The following MOG variants were observed in gnomAD, a reference collection of about 807,000 sequenced individuals.
MOG encodes myelin-oligodendrocyte glycoprotein.
In MOG, 20 loss-of-function variants were observed where a neutral mutation model predicts 35.9. That is an observed-to-expected ratio of 0.56 (90% CI 0.39 to 0.81). The LOEUF (loss-of-function observed/expected upper bound fraction) is 0.81, where lower values mean the gene tolerates loss of function less well. MOG is among the 30% of genes least tolerant of loss of function. The pLI, the probability that MOG is intolerant of heterozygous loss-of-function variation, is 0.00. For synonymous variants in MOG, 92 were observed against 114.3 expected (o/e 0.80, Z 1.25); for missense variants, 251 against 301.0 (o/e 0.83, Z 1.23).
In MOG at chr6:29,659,583, G is replaced by T. The variant is rs769528805; in HGVS notation, c.353G>T (p.Arg118Met). 1.5e-5 allele frequency: 24 copies of T among 1,613,070 alleles called. No homozygotes were observed. Among genetic ancestry groups the T allele is most frequent in the Non-Finnish European group, 2.0e-5 (24 of 1,180,042 alleles). ...GKVTLRIRNV[R>M]FSDEGGFTCF... ...GTGACTCTCAGGATCCGGAATGTAA[G>T]GTTCTCAGATGAAGGAGGTTTCACC... The change falls in exon 2 of 8, where the codon AGG becomes ATG. Residue 118 changes from arginine (R) to methionine (M), a missense_variant. Arg to Met is a moderately conservative substitution (Grantham distance 91). Coordinates refer to ENST00000376917, the MANE Select transcript of MOG (RefSeq NM_206809.4).
chr6:29,659,195 A>C, intron 1 of MOG, 124 bp from the exon 2 acceptor site: 1 of 816,082 alleles, frequency 1.2e-6, no homozygotes, highest in South Asian at 1.4e-5. Flanking sequence ...CCCTGGCTCT[A>C]GAATGTCATT....
intron 2 of MOG, 176 bp downstream of exon 2, chr6:29,659,842 T>G: frequency 1.5e-6 from 1 of 651,250 alleles, no homozygotes; most frequent in Non-Finnish European, 2.7e-6. Context: ...GCATCATTAT[T>G]CAGAGTAGCA....
rs947189400 is a variant in MOG at position 29,661,391 on chromosome 6, T to C, written c.436+1725T>C. On this transcript the variant is annotated intron_variant, in intron 2 of 7. Transcript: ENST00000376917. ...AATGTTCTTCATACAGCTGTTTTTA[T>C]TGGGGAAATTCTACTTGCCGAAAAG... 39 of 985,272 alleles carry C rather than the reference T, an allele frequency of 4.0e-5. No homozygotes were observed. In the African/African-American group the frequency reaches 5.8e-4, roughly 15 times the overall value. The allele number at this position is 985,272 out of a possible 1,614,324, so 61.0% of individuals were successfully genotyped here. A position where few individuals can be genotyped will look rare whatever the true frequency, so the allele number is the denominator to read the frequency against.
At chr6:29,661,987 G>C in intron 2 of MOG, 1 of 985,390 alleles carries the variant, frequency 1.0e-6, no homozygotes, top group Non-Finnish European at 1.2e-6. Context: ...GGGACGCTTT[G>C]TCTAGGCTTT....
At chr6:29,664,019 C>A in intron 2 of MOG, 1 of 449,536 alleles carries the variant, frequency 2.2e-6, no homozygotes, top group Non-Finnish European at 2.9e-6. Context: ...TGCAGCATGG[C>A]ACATGGAGAT....
At chr6:29,661,848 CAAAAA>C in intron 2 of MOG, 2 of 954,758 alleles carry the variant, frequency 2.1e-6, no homozygotes, top group South Asian at 4.9e-5. Context: ...ACAAGGAAGA[CAAAAA>C]GAAAAGCAGC....
At chr6:29,661,830 A>C (rs963628419) in intron 2 of MOG, 5 of 984,908 alleles carry the variant, frequency 5.1e-6, no homozygotes, top group East Asian at 2.3e-4. Context: ...AAAAAAAAAA[A>C]AAAAAAAACA....
chr6:29,666,118 C>T (rs1449444023), intron 2 of MOG, 34 bp from the exon 3 acceptor site: 2 of 1,389,206 alleles, frequency 1.4e-6, no homozygotes, highest in Non-Finnish European at 2.0e-6. Flanking sequence ...GGATTCAGCT[C>T]TGGACAATGT....
At position 29,662,072 on chromosome 6, in the gene MOG, C is replaced by CTCTG; in HGVS notation, c.436+2407_436+2410dup. On this transcript the variant is annotated intron_variant, in intron 2 of 7. Coordinates refer to ENST00000376917, the MANE Select transcript of MOG (RefSeq NM_206809.4). This position sits in a 1 kb window ranked among gnomAD's most constrained non-coding sequence, Gnocchi z 4.2. Reference sequence around the variant, plus strand: ...TATTGCAAGTCTCAGGTGTAACTACCTCTGCTCTTTCTCTGAAGAGTTTCT... The same window carrying CTCTG: ...TATTGCAAGTCTCAGGTGTAACTACCTCTGTCTGCTCTTTCTCTGAAGAGTTTCT... 1.0e-6 allele frequency: 1 copy of CTCTG among 985,376 alleles called. No homozygotes were observed. The highest frequency in any genetic ancestry group is 1.2e-6 in the Non-Finnish European group (1 of 829,906). The allele number at this position is 985,376 out of a possible 1,614,324, so 61.0% of individuals were successfully genotyped here. A position where few individuals can be genotyped will look rare whatever the true frequency, so the allele number is the denominator to read the frequency against.
intron 2 of MOG, among the ~76,000 whole-genome samples, chr6:29,665,665 G>A (rs1202664127): frequency 6.6e-6 from 1 of 151,940 alleles, no homozygotes; most frequent in East Asian, 1.9e-4. Flanking sequence ...TCCTGTAGGT[G>A]CTAAATCTGA....
At chr6:29,666,816 C>T (rs1441354158) in intron 3 of MOG, among the ~76,000 whole-genome samples, 2 of 152,192 alleles carry the variant, frequency 1.3e-5, no homozygotes, top group African/African-American at 4.8e-5. Context: ...TCTGAGCCTT[C>T]TCCTCCTACC....
chr6:29,668,627 CAG>C (rs964614450), intron 5 of MOG, among the ~76,000 whole-genome samples: 2 of 152,190 alleles, frequency 1.3e-5, no homozygotes, highest in African/African-American at 4.8e-5. Flanking sequence ...ACCTGGCACA[CAG>C]AGTTCTATCG....
chr6:29,659,259 A>G, intron 1 of MOG, 60 bp from the exon 2 acceptor site: 3 of 1,534,996 alleles, frequency 2.0e-6, no homozygotes, highest in Non-Finnish European at 2.7e-6. Context: ...TTCTCATGAC[A>G]GGCTTGCTTG....
In MOG at chr6:29,659,216, G is replaced by C. The variant is rs1034869076; in HGVS notation, c.89-103G>C. ...CTCTAGAATGTCATTTAAAAGTCGA[G>C]TGTCTTCTTCCTTCCCTGTTTTGAA... On this transcript the variant is annotated intron_variant, in intron 1 of 7. Coordinates refer to ENST00000376917, the MANE Select transcript of MOG (RefSeq NM_206809.4). 1.6e-5 allele frequency: 16 copies of C among 978,104 alleles called. No homozygotes were observed. In the African/African-American group the frequency reaches 1.9e-4, roughly 12 times the overall value. 60.6% of individuals were successfully genotyped at this position (978,104 alleles called of 1,614,324 possible). A position where few individuals can be genotyped will look rare whatever the true frequency, so the allele number is the denominator to read the frequency against.
At chr6:29,661,793 G>T (rs1205759007) in intron 2 of MOG, 1 of 974,922 alleles carries the variant, frequency 1.0e-6, no homozygotes, top group African/African-American at 1.9e-5. Flanking sequence ...TCCAGTCTGG[G>T]CAAGAAAAGT....
At chr6:29,665,732 T>C (rs1770071874) in intron 2 of MOG, among the ~76,000 whole-genome samples, 1 of 131,630 alleles carries the variant, frequency 7.6e-6, no homozygotes, top group Non-Finnish European at 1.6e-5. Context: ...TTGAACTACA[T>C]ATTTGAAATA....
At position 29,662,340 on chromosome 6, in the gene MOG, T is replaced by A; in HGVS notation, c.436+2674T>A. ...CTCTACTAAAAAATACAAAATTAGC[T>A]AGGCGTGGTGGCACATGCCAGTAAT... On this transcript the variant is annotated intron_variant, in intron 2 of 7. Coordinates refer to ENST00000376917, the MANE Select transcript of MOG (RefSeq NM_206809.4). This position sits in a 1 kb window ranked among gnomAD's most constrained non-coding sequence, Gnocchi z 4.2. 4.8e-6 allele frequency: 1 copy of A among 208,556 alleles called. No individual in the cohort carries two copies. The highest frequency in any genetic ancestry group is 8.3e-6 in the Non-Finnish European group (1 of 119,782). 12.9% of individuals were successfully genotyped at this position (208,556 alleles called of 1,614,324 possible).
chr6:29,659,715 A>G (rs1403521818), intron 2 of MOG, 49 bp downstream of exon 2: 1 of 1,463,224 alleles, frequency 6.8e-7, no homozygotes, highest in Non-Finnish European at 9.5e-7. Flanking sequence ...GTGGCCAAGA[A>G]CAATTATTCT....
Position 29,662,071 on chromosome 6 carries a change from C to T in MOG, c.436+2405C>T. 1 of 985,376 alleles carries T rather than the reference C, an allele frequency of 1.0e-6. No homozygotes were observed. The highest frequency in any genetic ancestry group is 1.2e-6 in the Non-Finnish European group (1 of 829,912). The allele number at this position is 985,376 out of a possible 1,614,324, so 61.0% of individuals were successfully genotyped here. A position where few individuals can be genotyped will look rare whatever the true frequency, so the allele number is the denominator to read the frequency against. On this transcript the variant is annotated intron_variant, in intron 2 of 7. Coordinates refer to ENST00000376917, the MANE Select transcript of MOG (RefSeq NM_206809.4). This position sits in a 1 kb window ranked among gnomAD's most constrained non-coding sequence, Gnocchi z 4.2. ...TTATTGCAAGTCTCAGGTGTAACTACCTCTGCTCTTTCTCTGAAGAGTTTC... is the reference window on the plus strand; with the variant it reads ...TTATTGCAAGTCTCAGGTGTAACTATCTCTGCTCTTTCTCTGAAGAGTTTC...
Sources: allele counts gnomAD v4.1 joint callset (sites outside exome capture counted in the v4.1 genomes callset), GRCh38; gene constraint gnomAD v4.1.1; non-coding constraint Gnocchi (gnomAD v3.1); transcripts MANE v1.5; gene names NCBI Gene and HGNC (gene_info 2026-07-23, HGNC 2026-07-21).